MIGA1: variants seen among roughly 807,000 people sequenced by gnomAD.
MIGA1 encodes mitoguardin 1.
In MIGA1, 58 loss-of-function variants were observed where a neutral mutation model predicts 82.0. That is an observed-to-expected ratio of 0.71 (90% confidence interval 0.57 to 0.88). The LOEUF (loss-of-function observed/expected upper bound fraction) is 0.88. Ranked by LOEUF, MIGA1 falls within the 40% of genes least tolerant of loss-of-function variation. The pLI is 0.00. For missense variants in MIGA1, 751 were observed against 749.1 expected (o/e 1.00, Z -0.03); for synonymous variants, 249 against 253.6 (o/e 0.98, Z 0.17).
At chr1:77,830,597 A>C (rs1984298) in intron 7 of MIGA1, among the ~76,000 whole-genome samples, 146,439 of 152,170 alleles carry the variant, frequency 0.96, 70,571 homozygotes, top group East Asian at 1. Context: ...CCTCCCCGCA[A>C]CCCTGCCCTA....
rs186153390 is a variant in MIGA1 at position 77,793,707 on chromosome 1, T to G, written c.196-7624T>G. On this transcript the variant is annotated intron_variant, in intron 2 of 15. Coordinates refer to ENST00000370791, the MANE Select transcript of MIGA1 (RefSeq NM_198549.4). ...CTGGTCTACCTGACTTCAAGTGATC[T>G]GCCCACCTCAGCCTCCCAAAGTGCT... Among the ~76,000 whole-genome samples, 115 of 151,472 alleles carry G rather than the reference T, an allele frequency of 7.6e-4. 1 individual carries two copies. The East Asian group carries it at 0.02, about 26-fold the overall frequency.
intron 7 of MIGA1, among the ~76,000 whole-genome samples, chr1:77,832,294 G>A (rs1420909971): frequency 1.3e-5 from 2 of 152,038 alleles, no homozygotes; most frequent in Non-Finnish European, 2.9e-5. Flanking sequence ...CAGAATCTTG[G>A]GTCTGTAATA....
intron 6 of MIGA1, among the ~76,000 whole-genome samples, chr1:77,814,470 C>T: frequency 6.6e-6 from 1 of 151,682 alleles, no homozygotes; most frequent in East Asian, 2.0e-4. Context: ...AATCATAGTA[C>T]ACTATACCCC....
At chr1:77,800,745 A>G (rs144420860) in intron 2 of MIGA1, among the ~76,000 whole-genome samples, 6 of 152,316 alleles carry the variant, frequency 3.9e-5, no homozygotes, top group African/African-American at 1.4e-4. Flanking sequence ...AAAATGCAAG[A>G]TCTGTGACCT....
rs10676009 is a variant in MIGA1 at position 77,817,955 on chromosome 1, ATT to A, written c.895+2743_895+2744del. ...TCTGGTAGGATTTCAAGATTGGAAG[ATT>A]TTTTTTTTTTTTTTTTTTGCAGCAG... is the stretch of plus-strand genomic sequence containing the variant. On this transcript the variant is annotated intron_variant, in intron 7 of 15. Coordinates refer to ENST00000370791, the MANE Select transcript of MIGA1 (RefSeq NM_198549.4). 6.8e-3 allele frequency among the ~76,000 whole-genome samples: 787 copies of A among 115,556 alleles called. 6 individuals carry two copies. Among genetic ancestry groups the A allele is most frequent in the African/African-American group, 0.024 (717 of 29,542 alleles). The allele number at this position is 115,556 out of a possible 152,430, so 75.8% of individuals were successfully genotyped here.
intron 7 of MIGA1, among the ~76,000 whole-genome samples, chr1:77,832,908 C>A (rs1013071238): frequency 9.2e-5 from 14 of 152,160 alleles, no homozygotes; most frequent in African/African-American, 3.4e-4. Context: ...TTTATTGAGT[C>A]AGTGAGACAT....
chr1:77,861,247 T>G lies in MIGA1; in HGVS notation c.1299T>G (p.Val433=). The G allele has an allele frequency of 1.9e-6, 3 of 1,612,682 alleles. No individual in the cohort carries two copies. Among genetic ancestry groups the G allele is most frequent in the Non-Finnish European group, 2.5e-6 (3 of 1,178,986 alleles). ...AGAATCCAAAGAAGTTTGAAGATGT[T>G]TTTGATGAAATGATCTATTTTTTAG... The change falls in exon 12 of 16, where the codon GTT becomes GTG. Residue 433 remains valine (V), a synonymous_variant. Transcript: ENST00000370791.
At chr1:77,848,264 T>A (rs760532012) in intron 8 of MIGA1, 9 of 1,368,304 alleles carry the variant, frequency 6.6e-6, no homozygotes, top group Non-Finnish European at 9.2e-6. Flanking sequence ...TGACAGAGTG[T>A]GGAAAAGGGA....
chr1:77,794,659 G>A (rs1205611281), intron 2 of MIGA1, among the ~76,000 whole-genome samples: 1 of 152,136 alleles, frequency 6.6e-6, no homozygotes, highest in Non-Finnish European at 1.5e-5. Flanking sequence ...AGGATTACTT[G>A]AACACAGTGA....
chr1:77,844,056 G>A (rs1684724383), intron 8 of MIGA1, among the ~76,000 whole-genome samples: 4 of 146,084 alleles, frequency 2.7e-5, no homozygotes, highest in South Asian at 4.2e-4. Context: ...GGCCATGATC[G>A]TGGCACTGCA....
chr1:77,850,993 C>G (rs763550455), intron 8 of MIGA1, among the ~76,000 whole-genome samples: 3 of 152,130 alleles, frequency 2.0e-5, no homozygotes, highest in Non-Finnish European at 1.5e-5. Flanking sequence ...CCTCAGCCTC[C>G]CAAGTAGCTG....
intron 8 of MIGA1, among the ~76,000 whole-genome samples, chr1:77,850,094 T>A (rs1684991507): frequency 6.6e-6 from 1 of 151,330 alleles, no homozygotes; most frequent in African/African-American, 2.4e-5. Context: ...GTTCCCAAGA[T>A]AACTCACTCC....
intron 7 of MIGA1, among the ~76,000 whole-genome samples, chr1:77,841,960 T>C (rs866692756): frequency 6.6e-6 from 1 of 150,960 alleles, no homozygotes; most frequent in Non-Finnish European, 1.5e-5. Context: ...TTTTTTTTTT[T>C]TTTTTTGGAC....
chr1:77,872,552 GACTGCACC>G (rs1646854926), intron 14 of MIGA1, among the ~76,000 whole-genome samples: 1 of 152,170 alleles, frequency 6.6e-6, no homozygotes, highest in Non-Finnish European at 1.5e-5. Context: ...AGTGAGCCAT[GACTGCACC>G]AGTGCACTTC....
chr1:77,859,764 C>T, intron 10 of MIGA1: 2 of 384,580 alleles, frequency 5.2e-6, no homozygotes, highest in Non-Finnish European at 9.2e-6. Flanking sequence ...TATTTGTTTT[C>T]TTATGTTTTG....
chr1:77,835,026 C>T (rs1211794555), intron 7 of MIGA1, among the ~76,000 whole-genome samples: 1 of 152,096 alleles, frequency 6.6e-6, no homozygotes, highest in Non-Finnish European at 1.5e-5. Flanking sequence ...CTAGAATCTG[C>T]TGAGGTTAAA....
intron 8 of MIGA1, chr1:77,847,236 A>C: frequency 9.2e-7 from 1 of 1,082,338 alleles, no homozygotes; most frequent in South Asian, 1.2e-5. Flanking sequence ...CCATGAGTGA[A>C]AGCCTTCAGA....
Position 77,848,300 on chromosome 1 carries a change from A to C in MIGA1, c.996+4893A>C, listed in dbSNP as rs1684919515. On this transcript the variant is annotated intron_variant, in intron 8 of 15. Coordinates refer to ENST00000370791, the MANE Select transcript of MIGA1 (RefSeq NM_198549.4). ...GAAAGATGGGGAGAAATATTCCCAAAGAGAACAAGAAAGAGAGACAACAAA... is the reference window on the plus strand; with the variant it reads ...GAAAGATGGGGAGAAATATTCCCAACGAGAACAAGAAAGAGAGACAACAAA... 9 of 1,308,770 alleles carry C rather than the reference A, an allele frequency of 6.9e-6. No homozygotes were observed. In the South Asian group the frequency reaches 1.1e-4, roughly 17 times the overall value. The allele number at this position is 1,308,770 out of a possible 1,614,324, so 81.1% of individuals were successfully genotyped here. A position where few individuals can be genotyped will look rare whatever the true frequency, so the allele number is the denominator to read the frequency against.
At position 77,855,724 on chromosome 1, in the gene MIGA1, C is replaced by T. The variant is rs376771525; in HGVS notation, c.997-3214C>T. Among the ~76,000 whole-genome samples, 25 of 151,498 alleles carry T rather than the reference C, an allele frequency of 1.7e-4. 1 individual carries two copies. The East Asian group carries it at 4.6e-3, about 28-fold the overall frequency. ...TCGCTGTTGGTGTATAGAAGAGCTA[C>T]TGATTTGTGTACATTAATCTAGTAT... On this transcript the variant is annotated intron_variant, in intron 8 of 15. Coordinates refer to ENST00000370791, the MANE Select transcript of MIGA1 (RefSeq NM_198549.4).
Sources: gnomAD v4.1 joint callset for allele counts (sites outside exome capture counted in the v4.1 genomes callset) on GRCh38, gnomAD v4.1.1 for gene constraint, MANE v1.5 for transcripts, NCBI Gene and HGNC (gene_info 2026-07-23, HGNC 2026-07-21) for gene names.